Variants in HIGD2A observed in about 807,000 individuals in gnomAD.
HIGD2A encodes HIG1 domain family member 2A, mitochondrial.
Under a neutral mutation model 6.3 loss-of-function variants are expected in HIGD2A, and 4 were observed. The ratio of observed to expected loss-of-function variants is 0.64; its 90% CI spans 0.31 to 1.46. HIGD2A has a LOEUF of 1.46. HIGD2A is among the 40% of genes most tolerant of loss of function. The probability of loss-of-function intolerance (pLI) is 0.07; values close to 1 mark genes in which losing one functional copy is unlikely to be tolerated. For missense variants in HIGD2A, 143 were observed against 144.8 expected, an observed-to-expected ratio of 0.99 and a Z score of 0.06; for synonymous variants, 63 against 59.3, an observed-to-expected ratio of 1.06 and a Z score of -0.29.
rs1032364736 is a variant in HIGD2A at position 176,389,657 on chromosome 5, C to T, written c.*160C>T. 3.1e-5 allele frequency: 21 copies of T among 687,244 alleles called. No individual in the cohort carries two copies. The highest frequency in any genetic ancestry group is 4.2e-5 in the Non-Finnish European group (18 of 429,210). The allele number at this position is 687,244 out of a possible 1,614,324, so 42.6% of individuals were successfully genotyped here. A position where few individuals can be genotyped will look rare whatever the true frequency, so the allele number is the denominator to read the frequency against. On this transcript the variant is annotated 3_prime_UTR_variant, in exon 2 of 2. Transcript: ENST00000274787. ...GTGTAACTGTAACCGAAAGTTTTTT[C>T]AAAAATCCTAGATGCTGTTGTTTGA...
chr5:176,389,185 C>T (rs1332725945), intron 1 of HIGD2A, 146 bp from the exon 2 acceptor site: 4 of 1,096,798 alleles, frequency 3.6e-6, no homozygotes, highest in Non-Finnish European at 5.3e-6. Context: ...GACTCTGTAA[C>T]TAGGAAGACC....
rs1287120702 is a variant in HIGD2A, at chr5:176,388,956, A to AC, written c.140dup (p.Val48GlyfsTer93). On this transcript the variant is annotated frameshift_variant, in exon 1 of 2. Transcript: ENST00000274787. LOFTEE classifies it high-confidence loss of function. ...AAGTTCGTTCGCAAGACCCGCGAGA[A>AC]CCCGGTGGTACCCATAGGTAAGTGG... 3.1e-6 allele frequency: 5 copies of AC among 1,614,004 alleles called. No individual in the cohort carries two copies. Among genetic ancestry groups the AC allele is most frequent in the Non-Finnish European group, 4.2e-6 (5 of 1,180,042 alleles).
chr5:176,388,787 G>C lies in HIGD2A; in HGVS notation c.-33G>C, dbSNP rs752893961. The C allele has an allele frequency of 3.1e-6, 5 of 1,603,866 alleles. No homozygotes were observed. The highest frequency in any genetic ancestry group is 1.1e-5 in the South Asian group (1 of 90,376). ...CCTTCACCGGGAGGCTGAGGTCGGA[G>C]TCCCGATTTTCTCCTGCTGCTGTGG... is the stretch of plus-strand genomic sequence containing the variant. On this transcript the variant is annotated 5_prime_UTR_variant, in exon 1 of 2. Transcript: ENST00000274787.
chr5:176,388,909 G>C lies in HIGD2A; in HGVS notation c.90G>C (p.Arg30Ser), dbSNP rs762926492. 5.0e-6 allele frequency: 8 copies of C among 1,614,078 alleles called. No homozygotes were observed. In the East Asian group the frequency reaches 1.8e-4, roughly 36 times the overall value. ...AGGGGCTGAGCCCCACTGTTTACAG[G>C]AATCCAGAGAGTTTCAAGGAAAAGT... Reference protein sequence around the residue: ...VIEGLSPTVYRNPESFKEKFV... With the variant: ...VIEGLSPTVYSNPESFKEKFV... Residue 30 changes from arginine to serine, a missense_variant, in exon 1 of 2, where the codon AGG (arginine) becomes AGC (serine). By Grantham distance (110) the Arg-to-Ser change is moderately radical. Coordinates refer to ENST00000274787, the MANE Select transcript of HIGD2A (RefSeq NM_138820.4).
In HIGD2A at chr5:176,389,552, A is replaced by G; in HGVS notation, c.*55A>G. 6.5e-7 allele frequency: 1 copy of G among 1,549,832 alleles called. No homozygotes were observed. Among genetic ancestry groups the G allele is most frequent in the Admixed American group, 1.8e-5 (1 of 54,808 alleles). ...GAAATGATTCCAAAACCCAGGGAGC[A>G]ACCACTGGCCCTACCGTGGGACTTA... On this transcript the variant is annotated 3_prime_UTR_variant, in exon 2 of 2. Coordinates refer to ENST00000274787, the MANE Select transcript of HIGD2A (RefSeq NM_138820.4).
In HIGD2A at chr5:176,389,598, G is replaced by A; in HGVS notation, c.*101G>A. 7.7e-7 allele frequency: 1 copy of A among 1,291,144 alleles called. No individual in the cohort carries two copies. The highest frequency in any genetic ancestry group is 1.1e-6 in the Non-Finnish European group (1 of 940,702). The allele number at this position is 1,291,144 out of a possible 1,614,324, so 80.0% of individuals were successfully genotyped here. A position where few individuals can be genotyped will look rare whatever the true frequency, so the allele number is the denominator to read the frequency against. Reference sequence around the variant, plus strand: ...ACTTACTCCCTCCTCTCCTTTGAGAGGCCCATGTGTCGCTGGGGAGGAAGT... The same window carrying A: ...ACTTACTCCCTCCTCTCCTTTGAGAAGCCCATGTGTCGCTGGGGAGGAAGT... On this transcript the variant is annotated 3_prime_UTR_variant, in exon 2 of 2. Coordinates refer to ENST00000274787, the MANE Select transcript of HIGD2A (RefSeq NM_138820.4).
In HIGD2A at chr5:176,388,763, C is replaced by T. The variant is rs921382613; in HGVS notation, c.-57C>T. The T allele has an allele frequency of 1.3e-6, 2 of 1,589,322 alleles. No homozygotes were observed. The highest frequency in any genetic ancestry group is 2.2e-5 in the East Asian group (1 of 44,760). On this transcript the variant is annotated 5_prime_UTR_variant, in exon 1 of 2. Transcript: ENST00000274787. ...TTCGTTTCCCCGCCCCTTTCATGAC[C>T]TTCACCGGGAGGCTGAGGTCGGAGT...
In HIGD2A at chr5:176,388,812, GC is replaced by G. The variant is rs146436777; in HGVS notation, c.-5del. On this transcript the variant is annotated 5_prime_UTR_variant, in exon 1 of 2. Transcript: ENST00000274787. ...GTCCCGATTTTCTCCTGCTGCTGTG[GC>G]CCGGACATGGCGACTCCCGGCCCTG... 628 of 1,612,988 alleles carry G rather than the reference GC, an allele frequency of 3.9e-4. 2 individuals carry two copies. The African/African-American group carries it at 7.4e-3, about 19-fold the overall frequency.
intron 1 of HIGD2A, 72 bp downstream of exon 1, chr5:176,389,045 A>T: frequency 6.4e-7 from 1 of 1,573,954 alleles, no homozygotes; most frequent in South Asian, 1.1e-5. Flanking sequence ...GAGAAGGACC[A>T]GAGCGCTAGC....
Position 176,388,780 on chromosome 5 carries a change from G to A in HIGD2A, c.-40G>A. ...TTCATGACCTTCACCGGGAGGCTGA[G>A]GTCGGAGTCCCGATTTTCTCCTGCT... On this transcript the variant is annotated 5_prime_UTR_variant, in exon 1 of 2. Coordinates refer to ENST00000274787, the MANE Select transcript of HIGD2A (RefSeq NM_138820.4). 6.2e-7 allele frequency: 1 copy of A among 1,601,728 alleles called. No homozygotes were observed. The highest frequency in any genetic ancestry group is 8.5e-7 in the Non-Finnish European group (1 of 1,174,316).
intron 1 of HIGD2A, 59 bp from the exon 2 acceptor site, chr5:176,389,272 C>T (rs568806272): frequency 1.9e-6 from 3 of 1,549,944 alleles, no homozygotes; most frequent in East Asian, 4.5e-5. Context: ...AGACCCAAAG[C>T]GGGGAATGAC....
At position 176,389,177 on chromosome 5, in the gene HIGD2A, C is replaced by T. The variant is rs898446753; in HGVS notation, c.155-154C>T. 2.6e-5 allele frequency among the ~76,000 whole-genome samples: 4 copies of T among 152,072 alleles called. No individual in the cohort carries two copies. The South Asian group carries it at 6.2e-4, about 24-fold the overall frequency. ...GATTTGGGGCCTAAGATTGGGAGGA[C>T]TCTGTAACTAGGAAGACCTCGACTC... On this transcript the variant is annotated intron_variant, in intron 1 of 1. Coordinates refer to ENST00000274787, the MANE Select transcript of HIGD2A (RefSeq NM_138820.4).
In HIGD2A at chr5:176,388,881, T is replaced by C. The variant is rs1013948819; in HGVS notation, c.62T>C (p.Ile21Thr). 6.2e-7 allele frequency: 1 copy of C among 1,614,154 alleles called. No homozygotes were observed. The highest frequency in any genetic ancestry group is 8.5e-7 in the Non-Finnish European group (1 of 1,180,022). The change falls in exon 1 of 2, where the codon ATT becomes ACT. Residue 21 changes from isoleucine to threonine, a missense_variant. Coordinates refer to ENST00000274787, the MANE Select transcript of HIGD2A (RefSeq NM_138820.4). ...TTTGAACCATCGAAGCCTCCAGTCATTGAGGGGCTGAGCCCCACTGTTTAC... is the reference window on the plus strand; with the variant it reads ...TTTGAACCATCGAAGCCTCCAGTCACTGAGGGGCTGAGCCCCACTGTTTAC... ...VPFEPSKPPV[I>T]EGLSPTVYRN...
intron 1 of HIGD2A, 132 bp downstream of exon 1, chr5:176,389,105 T>C (rs1756147751): frequency 7.9e-7 from 1 of 1,259,584 alleles, no homozygotes; most frequent in Non-Finnish European, 1.1e-6. Flanking sequence ...GGCGGGGCGG[T>C]GAGGGGCGAA....
intron 1 of HIGD2A, 73 bp from the exon 2 acceptor site, chr5:176,389,258 A>T: frequency 6.6e-7 from 1 of 1,511,384 alleles, no homozygotes; most frequent in Non-Finnish European, 9.0e-7. Context: ...GCTTTGGGGA[A>T]GCGAGACCCA....
At position 176,389,521 on chromosome 5, in the gene HIGD2A, T is replaced by G; in HGVS notation, c.*24T>G. 1 of 1,590,510 alleles carries G rather than the reference T, an allele frequency of 6.3e-7. No homozygotes were observed. ...AAGCCCAGGGTCTGGCCTTGAAAGCTCCGCAGAAATGATTCCAAAACCCAG... is the reference window on the plus strand; with the variant it reads ...AAGCCCAGGGTCTGGCCTTGAAAGCGCCGCAGAAATGATTCCAAAACCCAG... On this transcript the variant is annotated 3_prime_UTR_variant, in exon 2 of 2. Transcript: ENST00000274787.
At position 176,389,623 on chromosome 5, in the gene HIGD2A, T is replaced by C. The variant is rs2113609105; in HGVS notation, c.*126T>C. 1.9e-6 allele frequency: 2 copies of C among 1,033,104 alleles called. No individual in the cohort carries two copies. Among genetic ancestry groups the C allele is most frequent in the East Asian group, 5.3e-5 (2 of 37,926 alleles). The allele number at this position is 1,033,104 out of a possible 1,614,324, so 64.0% of individuals were successfully genotyped here. A position where few individuals can be genotyped will look rare whatever the true frequency, so the allele number is the denominator to read the frequency against. On this transcript the variant is annotated 3_prime_UTR_variant, in exon 2 of 2. Transcript: ENST00000274787. ...GGCCCATGTGTCGCTGGGGAGGAAG[T>C]GACCCTTTGTGTAACTGTAACCGAA...
At chr5:176,389,208 A>G in intron 1 of HIGD2A, 123 bp from the exon 2 acceptor site, 1 of 1,250,506 alleles carries the variant, frequency 8.0e-7, no homozygotes, top group Non-Finnish European at 1.1e-6. Context: ...GACTCGACCT[A>G]CCCTCGCCGC....
Position 176,389,672 on chromosome 5 carries a change from C to A in HIGD2A, c.*175C>A. ...AAAGTTTTTTCAAAAATCCTAGATG[C>A]TGTTGTTTGAATGTTACATACTTCT... On this transcript the variant is annotated 3_prime_UTR_variant, in exon 2 of 2. Transcript: ENST00000274787. 3.4e-6 allele frequency: 2 copies of A among 596,946 alleles called. No individual in the cohort carries two copies. The allele number at this position is 596,946 out of a possible 1,614,324, so 37.0% of individuals were successfully genotyped here.
Sources: gnomAD v4.1 joint callset for allele counts (sites outside exome capture counted in the v4.1 genomes callset) on GRCh38, gnomAD v4.1.1 for gene constraint, MANE v1.5 for transcripts, NCBI Gene and HGNC (gene_info 2026-07-23, HGNC 2026-07-21) for gene names.